The following TMEM163 variants were observed in gnomAD, a reference collection of about 807,000 sequenced individuals.
TMEM163 encodes the protein transmembrane protein 163.
In TMEM163, 17 loss-of-function variants were observed where a neutral mutation model predicts 29.3. That is an observed-to-expected ratio of 0.58 (90% CI 0.40 to 0.87). The LOEUF is 0.87. Ranked by LOEUF, TMEM163 falls within the 40% of genes least tolerant of loss-of-function variation. The pLI, the probability that TMEM163 is intolerant of heterozygous loss-of-function variation, is 0.00. For missense variants in TMEM163, 303 were observed against 381.5 expected (o/e 0.79, Z 1.71); for synonymous variants, 157 against 160.6 (o/e 0.98, Z 0.17).
chr2:134,520,921 T>C (rs1337873222), intron 4 of TMEM163, among the ~76,000 whole-genome samples: 2 of 152,202 alleles, frequency 1.3e-5, no homozygotes, highest in South Asian at 2.1e-4. Context: ...TTCCATAGTC[T>C]TGCATTAGGG....
chr2:134,516,406 C>T (rs1383536829), intron 4 of TMEM163, among the ~76,000 whole-genome samples: 1 of 151,658 alleles, frequency 6.6e-6, no homozygotes, highest in Admixed American at 6.6e-5. Context: ...ACTAAAAGTA[C>T]AAAGATTAGT....
At chr2:134,623,120 T>C (rs936798524) in intron 2 of TMEM163, among the ~76,000 whole-genome samples, 1 of 152,128 alleles carries the variant, frequency 6.6e-6, no homozygotes, top group Admixed American at 6.5e-5. Context: ...CACCAAGTCT[T>C]CCCTCCCATG....
intron 2 of TMEM163, among the ~76,000 whole-genome samples, chr2:134,601,939 C>G (rs1345835952): frequency 6.6e-6 from 1 of 152,044 alleles, no homozygotes; most frequent in African/African-American, 2.4e-5. Context: ...TGAGTAGATA[C>G]CTGGGGGAAG....
chr2:134,611,619 G>T (rs1369373024), intron 2 of TMEM163, among the ~76,000 whole-genome samples: 2 of 152,146 alleles, frequency 1.3e-5, no homozygotes, highest in Non-Finnish European at 2.9e-5. Flanking sequence ...ATGAGCAAAA[G>T]AACAAGGACA....
At chr2:134,480,452 G>A (rs1687026168) in intron 5 of TMEM163, among the ~76,000 whole-genome samples, 1 of 151,944 alleles carries the variant, frequency 6.6e-6, no homozygotes, top group Admixed American at 6.6e-5. Flanking sequence ...ATACACATGT[G>A]CTTAAATTTA....
chr2:134,630,671 A>T (rs756519087), intron 2 of TMEM163, among the ~76,000 whole-genome samples: 8 of 152,184 alleles, frequency 5.3e-5, no homozygotes, highest in Non-Finnish European at 1.0e-4. Flanking sequence ...CAGGGGTCTG[A>T]CAGCCAGGTC....
rs1363055963 is a variant in TMEM163 at position 134,651,370 on chromosome 2, C to T, written c.322+61830G>A. Among the ~76,000 whole-genome samples, 14 of 140,150 alleles carry T rather than the reference C, an allele frequency of 1.0e-4. 3 individuals are homozygous for T. The highest frequency in any genetic ancestry group is 3.0e-4 in the African/African-American group (10 of 33,296). 91.9% of individuals were successfully genotyped at this position (140,150 alleles called of 152,430 possible). On this transcript the variant is annotated intron_variant, in intron 2 of 7. Coordinates refer to ENST00000281924, the MANE Select transcript of TMEM163 (RefSeq NM_030923.5). ...TTAAGAAGTGTCTGTTCATGTCCTT[C>T]GCCCACTTTTTGATGGGGTTGTTTG...
At chr2:134,602,756 C>A (rs1386413991) in intron 2 of TMEM163, among the ~76,000 whole-genome samples, 2 of 152,070 alleles carry the variant, frequency 1.3e-5, no homozygotes, top group Admixed American at 1.3e-4. Flanking sequence ...TCCTCTCCTC[C>A]TTGAAATGCT....
chr2:134,637,326 C>T (rs1273126799), intron 2 of TMEM163, among the ~76,000 whole-genome samples: 2 of 152,218 alleles, frequency 1.3e-5, no homozygotes, highest in African/African-American at 4.8e-5. Flanking sequence ...ATGGTCCCCA[C>T]TCATACTACA....
chr2:134,471,669 A>G (rs962807680), intron 5 of TMEM163, among the ~76,000 whole-genome samples: 2 of 152,078 alleles, frequency 1.3e-5, no homozygotes, highest in Non-Finnish European at 1.5e-5. Context: ...ACATGGAGAC[A>G]TGGCTGATGA....
At chr2:134,560,917 G>GTC (rs1285044534) in intron 2 of TMEM163, among the ~76,000 whole-genome samples, 1 of 152,120 alleles carries the variant, frequency 6.6e-6, no homozygotes, top group African/African-American at 2.4e-5. Context: ...GCTCTCAGAG[G>GTC]TCTCACACAC....
chr2:134,650,152 A>G (rs920822283), intron 2 of TMEM163, among the ~76,000 whole-genome samples: 1 of 152,036 alleles, frequency 6.6e-6, no homozygotes, highest in Non-Finnish European at 1.5e-5. Context: ...AAACTGTACT[A>G]TATTATATAT....
At chr2:134,570,741 G>A (rs1190580350) in intron 2 of TMEM163, among the ~76,000 whole-genome samples, 4 of 152,090 alleles carry the variant, frequency 2.6e-5, no homozygotes, top group Non-Finnish European at 5.9e-5. Context: ...GAGATAAATG[G>A]TGCGACAGAA....
At chr2:134,681,598 A>G (rs890542349) in intron 2 of TMEM163, among the ~76,000 whole-genome samples, 2 of 152,076 alleles carry the variant, frequency 1.3e-5, no homozygotes, top group African/African-American at 4.8e-5. Flanking sequence ...TGTAAGTCCT[A>G]CCACTCAGCT....
intron 2 of TMEM163, among the ~76,000 whole-genome samples, chr2:134,616,480 T>C (rs1193670121): frequency 2.0e-5 from 3 of 152,224 alleles, no homozygotes; most frequent in Non-Finnish European, 4.4e-5. Flanking sequence ...GTAAATAATG[T>C]AAAGAAGACT....
At chr2:134,697,417 T>C (rs944823729) in intron 2 of TMEM163, among the ~76,000 whole-genome samples, 1 of 152,174 alleles carries the variant, frequency 6.6e-6, no homozygotes, top group Non-Finnish European at 1.5e-5. Context: ...GTCTTGAATT[T>C]TACCAAATGC....
chr2:134,645,829 G>A (rs149844460), intron 2 of TMEM163, among the ~76,000 whole-genome samples: 96 of 152,284 alleles, frequency 6.3e-4, no homozygotes, highest in African/African-American at 2.2e-3. Flanking sequence ...TATATATAAA[G>A]TGACTTTTGG....
chr2:134,588,598 A>T (rs959129617), intron 2 of TMEM163, among the ~76,000 whole-genome samples: 3 of 152,110 alleles, frequency 2.0e-5, no homozygotes, highest in African/African-American at 7.2e-5. Flanking sequence ...CTCCAGAGGG[A>T]CAGTCTTGCA....
At chr2:134,541,087 G>A (rs1435727612) in intron 4 of TMEM163, among the ~76,000 whole-genome samples, 1 of 152,196 alleles carries the variant, frequency 6.6e-6, no homozygotes, top group African/African-American at 2.4e-5. Flanking sequence ...GAGTGGTGAA[G>A]GCAAAGCAGG....
Sources: allele counts gnomAD v4.1 joint callset (sites outside exome capture counted in the v4.1 genomes callset), GRCh38; gene constraint gnomAD v4.1.1; transcripts MANE v1.5; gene names NCBI Gene and HGNC (gene_info 2026-07-23, HGNC 2026-07-21).